The following VPS13C variants were observed in gnomAD, a reference collection of about 807,000 sequenced individuals.
VPS13C encodes the protein vacuolar protein sorting 13 homolog C.
A neutral mutation model predicts 456.8 loss-of-function variants in VPS13C; 358 were observed. That is an observed-to-expected ratio of 0.78 (90% CI 0.72 to 0.86). The LOEUF is 0.86. Ranked by LOEUF, VPS13C falls within the 40% of genes least tolerant of loss-of-function variation. The pLI is 0.00. For synonymous variants in VPS13C, 1,578 were observed against 1,486.7 expected (o/e 1.06, Z -1.41); for missense variants, 4,818 against 4,385.4 (o/e 1.10, Z -2.79).
chr15:61,910,665 T>C (rs758185230), intron 63 of VPS13C, among the ~76,000 whole-genome samples: 1 of 152,178 alleles, frequency 6.6e-6, no homozygotes, highest in African/African-American at 2.4e-5. Flanking sequence ...CATTAATACA[T>C]GATGAATTCT....
Position 61,867,813 on chromosome 15 carries a change from G to T in VPS13C, c.10863+846C>A. The T allele has an allele frequency of 6.6e-7, 1 of 1,524,206 alleles. No homozygotes were observed. The highest frequency in any genetic ancestry group is 1.3e-5 in the South Asian group (1 of 78,752). 94.4% of individuals were successfully genotyped at this position (1,524,206 alleles called of 1,614,324 possible). ...ATGAAAAGTTCAGATGGAGGTGAGA[G>T]TTTTAAAGAAAATTTCATTAAAATT... On this transcript the variant is annotated intron_variant, in intron 81 of 84. Coordinates refer to ENST00000644861, the MANE Select transcript of VPS13C (RefSeq NM_020821.3). This position sits in a 1 kb window ranked among gnomAD's most constrained non-coding sequence, Gnocchi z 5.0.
At position 61,868,692 on chromosome 15, in the gene VPS13C, G is replaced by A. The variant is rs1294785931; in HGVS notation, c.10830C>T (p.Asp3610=). The A allele has an allele frequency of 1.9e-6, 3 of 1,614,106 alleles. No homozygotes were observed. The highest frequency in any genetic ancestry group is 8.5e-7 in the Non-Finnish European group (1 of 1,180,008). Residue 3610 remains aspartate, a synonymous_variant, in exon 81 of 85, where the codon GAC becomes GAT. Coordinates refer to ENST00000644861, the MANE Select transcript of VPS13C (RefSeq NM_020821.3). The stretch of plus-strand genomic sequence containing the variant: ...AGTCAGAGCCCTCAGATTCCTGTCT[G>A]TCATAAGGACGAATGATGCCATCTT... ...IHEDGIIRPY[D]RQESEGSDLL...
chr15:62,033,505 C>A lies in VPS13C; in HGVS notation c.321G>T (p.Leu107Phe), dbSNP rs1451733484. Residue 107 changes from leucine to phenylalanine, a missense_variant, in exon 5 of 85, where the codon TTG becomes TTT. By Grantham distance (22) the Leu-to-Phe change is conservative. This residue lies in a region of VPS13C where 4,552 missense variants were observed against 4,130.6 expected (regional missense o/e 1.10). Coordinates refer to ENST00000644861, the MANE Select transcript of VPS13C (RefSeq NM_020821.3). ...ATAGCTCTTTCTGTTTAACATCCTGCAAGGATTTTTCTTCTTTTACAGCAT... is the reference window on the plus strand; with the variant it reads ...ATAGCTCTTTCTGTTTAACATCCTGAAAGGATTTTTCTTCTTTTACAGCAT... The part of the protein sequence containing the change: ...KYDAVKEEKS[L>F]QDVKQKELSR... 1.2e-6 allele frequency: 2 copies of A among 1,607,116 alleles called. No individual in the cohort carries two copies. The highest frequency in any genetic ancestry group is 2.2e-5 in the South Asian group (2 of 90,152).
At chr15:61,942,502 A>G (rs999100148) in intron 45 of VPS13C, among the ~76,000 whole-genome samples, 13 of 150,262 alleles carry the variant, frequency 8.7e-5, no homozygotes, top group African/African-American at 3.2e-4. Flanking sequence ...AATAAAGTTT[A>G]GTCTTAGAAA....
At chr15:62,012,918 G>C in intron 11 of VPS13C, 121 bp downstream of exon 11, 1 of 558,254 alleles carries the variant, frequency 1.8e-6, no homozygotes, top group Non-Finnish European at 2.9e-6. Flanking sequence ...TCATATTTCT[G>C]ATTTAGTGAA....
chr15:61,919,443 T>G lies in VPS13C; in HGVS notation c.7484A>C (p.His2495Pro), dbSNP rs201257880. The change falls in exon 58 of 85, where the codon CAT (histidine) becomes CCT (proline). Residue 2495 changes from histidine to proline, a missense_variant. By Grantham distance (77) the His-to-Pro change is moderately conservative (BLOSUM62 -2). Transcript: ENST00000644861. ...GATATTTGCAACTTCTGTATATCCA[T>G]GAGGTACTAAGGCAGTGCATAAGTG... is the stretch of plus-strand genomic sequence containing the variant. The part of the protein sequence containing the change: ...SSFFTLTIVP[H>P]GYTEVANIPV... 1 of 1,580,746 alleles carries G rather than the reference T, an allele frequency of 6.3e-7. No individual in the cohort carries two copies. Among genetic ancestry groups the G allele is most frequent in the Admixed American group, 1.9e-5 (1 of 52,708 alleles).
At chr15:61,901,762 G>C (rs74323646) in intron 66 of VPS13C, among the ~76,000 whole-genome samples, 8,878 of 151,942 alleles carry the variant, frequency 0.058, 314 homozygotes, top group Non-Finnish European at 0.08. Flanking sequence ...CCATTACTGG[G>C]TATATACCCA....
Position 61,910,196 on chromosome 15 carries a change from A to G in VPS13C, c.8825T>C (p.Leu2942Ser). The change falls in exon 64 of 85, where the codon TTA (leucine) becomes TCA (serine). Residue 2942 changes from leucine (L) to serine (S), a missense_variant. Leu to Ser is a moderately radical substitution (Grantham distance 145). Coordinates refer to ENST00000644861, the MANE Select transcript of VPS13C (RefSeq NM_020821.3). ...FFYNRQDNGT[L>S]LSLEDLNGGI... ...ACTTACCAGATCTTCTAAGCTCAAT[A>G]AAGTGCCATTATCCTGTCGGTTATA... The G allele has an allele frequency of 7.0e-7, 1 of 1,422,038 alleles. No homozygotes were observed. Among genetic ancestry groups the G allele is most frequent in the Admixed American group, 2.2e-5 (1 of 45,342 alleles). The allele number at this position is 1,422,038 out of a possible 1,614,324, so 88.1% of individuals were successfully genotyped here. A position where few individuals can be genotyped will look rare whatever the true frequency, so the allele number is the denominator to read the frequency against.
intron 18 of VPS13C, among the ~76,000 whole-genome samples, chr15:61,990,216 A>T (rs1409057950): frequency 6.6e-6 from 1 of 152,196 alleles, no homozygotes; most frequent in Non-Finnish European, 1.5e-5. Flanking sequence ...AAAAGAAATA[A>T]AAGATATGAT....
At chr15:61,916,782 A>G (rs1165162662) in intron 60 of VPS13C, among the ~76,000 whole-genome samples, 1 of 152,170 alleles carries the variant, frequency 6.6e-6, no homozygotes, top group Non-Finnish European at 1.5e-5. Flanking sequence ...ACAGACAGTA[A>G]TTATTTTTTT....
chr15:61,890,416 A>T lies in VPS13C; in HGVS notation c.9106-16T>A, dbSNP rs765303098. 6.2e-7 allele frequency: 1 copy of T among 1,601,724 alleles called. No individual in the cohort carries two copies. Among genetic ancestry groups the T allele is most frequent in the Non-Finnish European group, 8.5e-7 (1 of 1,169,738 alleles). On this transcript the variant is annotated splice_polypyrimidine_tract_variant and intron_variant, in intron 66 of 84. Transcript: ENST00000644861. Reference sequence around the variant, plus strand: ...CACATCCATCCTGGGAAGAAGAAAGACTTCATTAAACCCACACATAGTAAC... The same window carrying T: ...CACATCCATCCTGGGAAGAAGAAAGTCTTCATTAAACCCACACATAGTAAC...
intron 11 of VPS13C, among the ~76,000 whole-genome samples, chr15:62,012,586 T>C (rs1003669081): frequency 6.6e-6 from 1 of 151,930 alleles, no homozygotes; most frequent in African/African-American, 2.4e-5. Flanking sequence ...TAAATAAACA[T>C]GGCTAAGACT....
At chr15:61,999,125 T>C (rs2046502352) in intron 16 of VPS13C, among the ~76,000 whole-genome samples, 1 of 152,206 alleles carries the variant, frequency 6.6e-6, no homozygotes, top group Non-Finnish European at 1.5e-5. Context: ...ATGCCTGTAA[T>C]CCCAGCACTT....
chr15:61,928,792 C>T lies in VPS13C; in HGVS notation c.6286+709G>A, dbSNP rs146392685. Among the ~76,000 whole-genome samples, 1,037 of 151,696 alleles carry T rather than the reference C, an allele frequency of 6.8e-3. 7 individuals carry two copies. Among genetic ancestry groups the T allele is most frequent in the African/African-American group, 0.024 (990 of 41,368 alleles). ...TACTCAGGAGGCTGAGGTGGGAGAA[C>T]TGCTTGAGCCCACCTCAGGAGGTGA... On this transcript the variant is annotated intron_variant, in intron 51 of 84. Transcript: ENST00000644861.
At chr15:61,920,409 T>C (rs1379323995) in intron 56 of VPS13C, 78 bp from the exon 57 acceptor site, 3 of 1,495,824 alleles carry the variant, frequency 2.0e-6, no homozygotes, top group African/African-American at 2.8e-5. Context: ...TAATTACACA[T>C]TTTTTGGAAA....
chr15:61,917,332 G>A lies in VPS13C; in HGVS notation c.8055+9C>T. 1.2e-6 allele frequency: 2 copies of A among 1,606,986 alleles called. No individual in the cohort carries two copies. The highest frequency in any genetic ancestry group is 1.7e-5 in the Admixed American group (1 of 59,584). On this transcript the variant is annotated intron_variant, in intron 60 of 84. Coordinates refer to ENST00000644861, the MANE Select transcript of VPS13C (RefSeq NM_020821.3). Reference sequence around the variant, plus strand: ...ACAACAAAAATCAAACAAAATGCAAGAGACATACCTCAAGTAAATATCTTA... The same window carrying A: ...ACAACAAAAATCAAACAAAATGCAAAAGACATACCTCAAGTAAATATCTTA...
chr15:61,916,736 T>C (rs1262599257), intron 60 of VPS13C, among the ~76,000 whole-genome samples: 1 of 152,154 alleles, frequency 6.6e-6, no homozygotes, highest in Non-Finnish European at 1.5e-5. Flanking sequence ...ATATTTATCA[T>C]ATACCATTAC....
intron 33 of VPS13C, 80 bp downstream of exon 33, chr15:61,962,669 T>G (rs1331963931): frequency 3.5e-5 from 46 of 1,319,590 alleles, no homozygotes; most frequent in Non-Finnish European, 4.6e-5. Context: ...CATTAATGTT[T>G]TTAAAATAAA....
chr15:61,871,966 G>C, intron 79 of VPS13C, 23 bp downstream of exon 79: 1 of 1,606,140 alleles, frequency 6.2e-7, no homozygotes, highest in Non-Finnish European at 8.5e-7. Flanking sequence ...ACTTTGTAAA[G>C]GAAGGAAATA....
Sources: gnomAD v4.1 joint callset for allele counts (sites outside exome capture counted in the v4.1 genomes callset) on GRCh38, gnomAD v4.1.1 for gene constraint, gnomAD v4.1.1 regional missense constraint, Gnocchi (gnomAD v3.1) non-coding constraint, MANE v1.5 for transcripts, NCBI Gene and HGNC (gene_info 2026-07-23, HGNC 2026-07-21) for gene names.